The following DNAH3 variants were observed in gnomAD, a reference collection of about 807,000 sequenced individuals.
DNAH3 encodes axonemal beta dynein heavy chain 3.
A neutral mutation model predicts 432.5 loss-of-function variants in DNAH3; 332 were observed. That is an observed-to-expected ratio of 0.77 (90% CI 0.70 to 0.84). The LOEUF is 0.84. DNAH3 is among the 40% of genes least tolerant of loss of function. The pLI is 0.00. For missense variants in DNAH3, 4,861 were observed against 5,114.0 expected (o/e 0.95, Z 1.51); for synonymous variants, 1,956 against 1,900.2 (o/e 1.03, Z -0.76).
intron 14 of DNAH3, among the ~76,000 whole-genome samples, chr16:21,110,994 C>A (rs961980389): frequency 2.6e-5 from 4 of 152,264 alleles, no homozygotes; most frequent in African/African-American, 9.6e-5. Flanking sequence ...CCAGCTTGGA[C>A]AACATAGCAA....
chr16:21,101,196 C>T (rs2091828808), intron 16 of DNAH3, among the ~76,000 whole-genome samples: 1 of 152,110 alleles, frequency 6.6e-6, no homozygotes, highest in Non-Finnish European at 1.5e-5. Context: ...AAGACAAAGC[C>T]TGTTTTATAA....
At chr16:21,141,481 G>C (rs1432964756) in intron 3 of DNAH3, 109 bp from the exon 5 acceptor site, 1 of 764,636 alleles carries the variant, frequency 1.3e-6, no homozygotes, top group East Asian at 2.7e-5. Context: ...TAAGGGGAGC[G>C]GACATGGTAC....
At position 21,105,766 on chromosome 16, in the gene DNAH3, C is replaced by CA. The variant is rs1434586375; in HGVS notation, c.2284+723dup. 3.3e-5 allele frequency among the ~76,000 whole-genome samples: 5 copies of CA among 150,904 alleles called. No individual in the cohort carries two copies. In the South Asian group the frequency reaches 6.3e-4, roughly 19 times the overall value. ...ATGACAGAGCAAGACTCTGTCTCGA[C>CA]AAAAAAAATAAATAAATAAAAGATT... On this transcript the variant is annotated intron_variant, in intron 15 of 61. Coordinates refer to ENST00000261383, the Ensembl canonical transcript of DNAH3.
intron 49 of DNAH3, among the ~76,000 whole-genome samples, chr16:20,980,375 T>A (rs995046583): frequency 6.9e-6 from 1 of 145,684 alleles, no homozygotes; most frequent in African/African-American, 2.5e-5. Context: ...TATATATATG[T>A]GGGGGGGGAG....
chr16:21,136,847 A>G (rs2092649726), intron 5 of DNAH3, among the ~76,000 whole-genome samples: 2 of 152,246 alleles, frequency 1.3e-5, no homozygotes, highest in South Asian at 2.1e-4. Context: ...AAGAAGAGGA[A>G]TAACAGGCCA....
At chr16:21,060,471 C>A in intron 25 of DNAH3, 115 bp from the exon 26 acceptor site, 2 of 704,246 alleles carry the variant, frequency 2.8e-6, no homozygotes, top group Non-Finnish European at 5.0e-6. Context: ...AAAGGCTTGG[C>A]ACCTTTTCAA....
chr16:21,112,735 A>G (rs1212180212), intron 12 of DNAH3, among the ~76,000 whole-genome samples: 1 of 152,010 alleles, frequency 6.6e-6, no homozygotes, highest in Non-Finnish European at 1.5e-5. Context: ...CCTCAAATTT[A>G]AAACCAACCA....
intron 7 of DNAH3, among the ~76,000 whole-genome samples, chr16:21,128,352 C>T (rs2092482758): frequency 6.6e-6 from 1 of 151,878 alleles, no homozygotes; most frequent in Non-Finnish European, 1.5e-5. Flanking sequence ...GAGTTCAAGA[C>T]CAGCCTGGCA....
At position 21,150,269 on chromosome 16, in the gene DNAH3, C is replaced by T. The variant is rs373008508; in HGVS notation, c.118-4181G>A. ...AAAAAAATACAGGTAAAACAAGAAACGTCTTAAAATTCACACCTACCTTCT... is the reference window on the plus strand; with the variant it reads ...AAAAAAATACAGGTAAAACAAGAAATGTCTTAAAATTCACACCTACCTTCT... On this transcript the variant is annotated intron_variant, in intron 1 of 61. Transcript: ENST00000261383. 2.1e-4 allele frequency: 90 copies of T among 435,750 alleles called. No homozygotes were observed. In the East Asian group the frequency reaches 3.4e-3, roughly 16 times the overall value. The allele number at this position is 435,750 out of a possible 1,614,324, so 27.0% of individuals were successfully genotyped here.
intron 24 of DNAH3, among the ~76,000 whole-genome samples, chr16:21,067,069 C>T (rs960093626): frequency 4.6e-5 from 7 of 152,168 alleles, no homozygotes; most frequent in Non-Finnish European, 8.8e-5. Context: ...GTTTGGACAA[C>T]GTGTGCATTT....
At chr16:20,964,453 T>G in exon 53 of DNAH3, 1 of 1,614,246 alleles carries the variant, frequency 6.2e-7, no homozygotes. Context: ...GAATGTTGCC[T>G]TGAGCAAGAT....
At chr16:20,985,416 A>T (rs935961920) in exon 48 of DNAH3, 1 of 1,614,136 alleles carries the variant, frequency 6.2e-7, no homozygotes, top group Non-Finnish European at 8.5e-7. Context: ...GTTTGGCGGC[A>T]CTTTGCCGCC....
chr16:21,105,944 G>A (rs1430473031), intron 15 of DNAH3, among the ~76,000 whole-genome samples: 13 of 151,890 alleles, frequency 8.6e-5, no homozygotes, highest in Admixed American at 8.5e-4. Flanking sequence ...GCACTTGGGA[G>A]GCTGAGGCGG....
At chr16:21,125,235 C>T (rs746311572) in exon 9 of DNAH3, 1 of 1,613,842 alleles carries the variant, frequency 6.2e-7, no homozygotes, top group Admixed American at 1.7e-5. Flanking sequence ...GCTCCCTAAG[C>T]TGCAGCGACA....
chr16:20,993,722 C>T (rs552900414), intron 44 of DNAH3, among the ~76,000 whole-genome samples: 16 of 152,122 alleles, frequency 1.1e-4, no homozygotes, highest in South Asian at 2.1e-4. Flanking sequence ...CTTGCTCTGT[C>T]GCCCTGGTTG....
At chr16:21,100,524 G>A (rs768305220) in intron 16 of DNAH3, among the ~76,000 whole-genome samples, 13 of 152,290 alleles carry the variant, frequency 8.5e-5, no homozygotes, top group East Asian at 3.9e-4. Flanking sequence ...GCAAGGAACC[G>A]TGTTCTATCT....
intron 7 of DNAH3, among the ~76,000 whole-genome samples, chr16:21,133,339 G>A (rs2092595774): frequency 6.8e-6 from 1 of 147,190 alleles, no homozygotes. Flanking sequence ...CTCCAGCCTG[G>A]GTGACAGGGT....
rs1177376408 is a variant in DNAH3, at chr16:21,101,547, G to C, written c.2367-2778C>G. ...GAGTGTAAGGGGAGGATTCTGGCAGGAAATAGAATTCACTCCCATGTTCAA... is the reference window on the plus strand; with the variant it reads ...GAGTGTAAGGGGAGGATTCTGGCAGCAAATAGAATTCACTCCCATGTTCAA... On this transcript the variant is annotated intron_variant, in intron 16 of 61. Transcript: ENST00000261383. Among the ~76,000 whole-genome samples, 3 of 152,128 alleles carry C rather than the reference G, an allele frequency of 2.0e-5. No homozygotes were observed. The East Asian group carries it at 5.8e-4, about 29-fold the overall frequency.
chr16:21,047,931 T>C (rs924827857), intron 31 of DNAH3, among the ~76,000 whole-genome samples: 2 of 151,884 alleles, frequency 1.3e-5, no homozygotes, highest in African/African-American at 4.8e-5. Context: ...TGGAGTACCC[T>C]GCCGTGTGAG....
Sources: gnomAD v4.1 joint callset for allele counts (sites outside exome capture counted in the v4.1 genomes callset) on GRCh38, gnomAD v4.1.1 for gene constraint, MANE v1.5 for transcripts, NCBI Gene and HGNC (gene_info 2026-07-23, HGNC 2026-07-21) for gene names.